SUSD4: variants seen among roughly 807,000 people sequenced by gnomAD.
SUSD4 encodes sushi domain-containing protein 4.
SUSD4 carries 41 observed loss-of-function variants against 50.5 expected under a neutral mutation model. The observed-to-expected ratio is 0.81, with a 90% CI of 0.63 to 1.05. The LOEUF is 1.05. SUSD4 is among the 50% of genes least tolerant of loss of function. SUSD4 has a pLI of 0.00. For missense variants in SUSD4, 580 were observed against 634.7 expected (o/e 0.91, Z 0.93); for synonymous variants, 257 against 257.3 (o/e 1.00, Z 0.01).
chr1:223,364,375 G>C (rs1057330497), upstream of SUSD4, among the ~76,000 whole-genome samples: 1 of 147,674 alleles, frequency 6.8e-6, no homozygotes, highest in African/African-American at 2.4e-5. This position sits in a 1 kb window ranked among gnomAD's most constrained non-coding sequence, Gnocchi z 4.5. Flanking sequence ...TGAGTGGGGG[G>C]GCGGGGACGG....
At chr1:223,245,576 CG>C (rs1660866655) in intron 5 of SUSD4, among the ~76,000 whole-genome samples, 1 of 152,126 alleles carries the variant, frequency 6.6e-6, no homozygotes, top group East Asian at 1.9e-4. Context: ...CATGGAACCA[CG>C]GCAAGTAGTT....
intron 3 of SUSD4, among the ~76,000 whole-genome samples, chr1:223,282,365 T>C (rs1008433494): frequency 6.6e-6 from 1 of 152,196 alleles, no homozygotes; most frequent in African/African-American, 2.4e-5. Flanking sequence ...AAAATCTCCT[T>C]AACCTGATAA....
At chr1:223,281,806 T>C (rs955461075) in intron 3 of SUSD4, among the ~76,000 whole-genome samples, 1 of 152,154 alleles carries the variant, frequency 6.6e-6, no homozygotes, top group African/African-American at 2.4e-5. Context: ...TTTAGACCAA[T>C]ATCCCTGATA....
rs1263720424 is a variant in SUSD4, at chr1:223,231,805, G to A, written c.725-2417C>T. On this transcript the variant is annotated intron_variant, in intron 5 of 8. Transcript: ENST00000366878. The surrounding 1 kb of genome is among the most constrained non-coding windows in gnomAD (Gnocchi z 4.2). The stretch of plus-strand genomic sequence containing the variant: ...AGGGGTCTCCAGTGGCCCCGGGACT[G>A]CCTGGGGGCCCCCTTCCCTGCACTG... 6.6e-6 allele frequency among the ~76,000 whole-genome samples: 1 copy of A among 152,182 alleles called. No homozygotes were observed. The highest frequency in any genetic ancestry group is 6.5e-5 in the Admixed American group (1 of 15,284).
chr1:223,224,812 A>G lies in SUSD4; in HGVS notation c.1062-1181T>C, dbSNP rs532272347. Among the ~76,000 whole-genome samples, 7 of 150,932 alleles carry G rather than the reference A, an allele frequency of 4.6e-5. No individual in the cohort carries two copies. The East Asian group carries it at 7.8e-4, about 17-fold the overall frequency. Reference sequence around the variant, plus strand: ...ACCCCCATACTCTGCTCCTGGCCTCAAGAGGAACCCAGGGTGGCTAATAAG... The same window carrying G: ...ACCCCCATACTCTGCTCCTGGCCTCGAGAGGAACCCAGGGTGGCTAATAAG... On this transcript the variant is annotated intron_variant, in intron 7 of 8. Coordinates refer to ENST00000366878, the MANE Select transcript of SUSD4 (RefSeq NM_017982.4).
At chr1:223,297,516 G>T (rs1183066990) in intron 2 of SUSD4, among the ~76,000 whole-genome samples, 1 of 152,168 alleles carries the variant, frequency 6.6e-6, no homozygotes, top group Admixed American at 6.5e-5. Flanking sequence ...CAAAGGACTT[G>T]TCTCCTACTG....
chr1:223,309,337 T>C (rs1388420992), intron 2 of SUSD4, among the ~76,000 whole-genome samples: 2 of 152,214 alleles, frequency 1.3e-5, no homozygotes, highest in Non-Finnish European at 2.9e-5. Context: ...CTCTGCTGTC[T>C]ACCTATTCAT....
chr1:223,260,977 C>A (rs368870107), intron 5 of SUSD4, among the ~76,000 whole-genome samples: 1 of 152,164 alleles, frequency 6.6e-6, no homozygotes, highest in Admixed American at 6.5e-5. Flanking sequence ...AGAGGAGGTG[C>A]CATGCGGCAG....
chr1:223,297,563 C>G (rs530211612), intron 2 of SUSD4, among the ~76,000 whole-genome samples: 1 of 152,158 alleles, frequency 6.6e-6, no homozygotes, highest in African/African-American at 2.4e-5. Flanking sequence ...CCTCTACCAA[C>G]GGAAAGTTTT....
chr1:223,268,042 TACACAC>T (rs374538693), intron 4 of SUSD4, among the ~76,000 whole-genome samples: 30,693 of 107,248 alleles, frequency 0.29, 5,913 homozygotes, highest in Non-Finnish European at 0.37. Context: ...TATATATATA[TACACAC>T]ACACTGTTAA....
chr1:223,277,957 G>A (rs546638245), intron 3 of SUSD4, among the ~76,000 whole-genome samples: 22 of 152,242 alleles, frequency 1.4e-4, no homozygotes, highest in African/African-American at 4.1e-4. Context: ...AATCAGCTGG[G>A]AGATTTTTTT....
intron 5 of SUSD4, among the ~76,000 whole-genome samples, chr1:223,256,289 A>G (rs557867762): frequency 2.3e-4 from 35 of 152,290 alleles, no homozygotes; most frequent in Non-Finnish European, 4.6e-4. Flanking sequence ...GTACAGGAGA[A>G]AGCACAGCCT....
Position 223,223,258 on chromosome 1 carries a change from T to G in SUSD4, c.1435A>C (p.Ile479Leu). The G allele has an allele frequency of 6.5e-7, 1 of 1,536,702 alleles. No individual in the cohort carries two copies. Among genetic ancestry groups the G allele is most frequent in the Non-Finnish European group, 8.7e-7 (1 of 1,146,574 alleles). The change falls in exon 8 of 9, where the codon ATT becomes CTT. Residue 479 changes from isoleucine (I) to leucine (L), a missense_variant. Transcript: ENST00000366878. ...EVASTSPGID[I>L]ADEIPLMEED... ...TGGGGCAAGCACTTACCATCTGCAA[T>G]GTCGATGCCTGGGCTGGTGGATGCC...
chr1:223,355,667 G>T (rs1358170438), intron 2 of SUSD4, among the ~76,000 whole-genome samples: 1 of 152,154 alleles, frequency 6.6e-6, no homozygotes, highest in Non-Finnish European at 1.5e-5. Context: ...ATGCATGAGT[G>T]ACCCTCCTTG....
Position 223,229,333 on chromosome 1 carries a change from A to T in SUSD4, c.780T>A (p.Pro260=). Reference sequence around the variant, plus strand: ...CAGTTCCGTGGTTGTAGCGCTCACAAGGCCGCGGGTGGCAGACGAAATCTC... The same window carrying T: ...CAGTTCCGTGGTTGTAGCGCTCACATGGCCGCGGGTGGCAGACGAAATCTC... ...SHGDFVCHPR[P]CERYNHGTVV... The change falls in exon 6 of 9, where the codon CCT becomes CCA. Residue 260 remains proline, a synonymous_variant. Coordinates refer to ENST00000366878, the MANE Select transcript of SUSD4 (RefSeq NM_017982.4). The surrounding 1 kb of genome is among the most constrained non-coding windows in gnomAD (Gnocchi z 4.7). 6.2e-7 allele frequency: 1 copy of T among 1,609,374 alleles called. No homozygotes were observed. Among genetic ancestry groups the T allele is most frequent in the Non-Finnish European group, 8.5e-7 (1 of 1,176,292 alleles).
intron 5 of SUSD4, among the ~76,000 whole-genome samples, chr1:223,263,160 T>C (rs564006445): frequency 2.6e-5 from 4 of 152,298 alleles, no homozygotes; most frequent in African/African-American, 9.6e-5. Context: ...CCTCTCTGTC[T>C]GGTTATCTGA....
At chr1:223,359,356 T>C (rs17162005) in intron 2 of SUSD4, among the ~76,000 whole-genome samples, 8,494 of 152,272 alleles carry the variant, frequency 0.056, 314 homozygotes, top group East Asian at 0.12. Flanking sequence ...GGTCCAATCA[T>C]GTAACCACCT....
At chr1:223,278,386 G>A (rs1011081777) in intron 3 of SUSD4, among the ~76,000 whole-genome samples, 3 of 152,292 alleles carry the variant, frequency 2.0e-5, no homozygotes, top group Middle Eastern at 3.4e-3. Context: ...CTTCTCAAAC[G>A]GTCTTAGCAA....
chr1:223,328,630 G>A (rs1433057573), intron 2 of SUSD4, among the ~76,000 whole-genome samples: 1 of 152,172 alleles, frequency 6.6e-6, no homozygotes, highest in African/African-American at 2.4e-5. Flanking sequence ...CGCTCATCAA[G>A]CGCCTCCCAA....
Sources: allele counts gnomAD v4.1 joint callset (sites outside exome capture counted in the v4.1 genomes callset), GRCh38; gene constraint gnomAD v4.1.1; non-coding constraint Gnocchi (gnomAD v3.1); transcripts MANE v1.5; gene names NCBI Gene and HGNC (gene_info 2026-07-23, HGNC 2026-07-21).